The following TUBE1 variants were observed in gnomAD, a reference collection of about 807,000 sequenced individuals.
TUBE1 encodes tubulin epsilon 1.
Under a neutral mutation model 53.5 loss-of-function variants are expected in TUBE1, and 34 were observed. The observed-to-expected ratio is 0.64, with a 90% CI of 0.48 to 0.85. The LOEUF is 0.85. Among genes scored for constraint, TUBE1 ranks in the 40% least tolerant of loss-of-function variants. TUBE1 has a pLI of 0.00. For synonymous variants in TUBE1, 177 were observed against 198.4 expected (o/e 0.89, Z 0.91); for missense variants, 532 against 570.5 (o/e 0.93, Z 0.69).
intron 4 of TUBE1, among the ~76,000 whole-genome samples, chr6:112,083,717 T>C (rs1299731050): frequency 6.6e-6 from 1 of 152,192 alleles, no homozygotes; most frequent in African/African-American, 2.4e-5. Flanking sequence ...GAAATATTGT[T>C]GGAATGATTA....
intron 6 of TUBE1, 95 bp from the exon 7 acceptor site, chr6:112,076,604 C>A: frequency 8.9e-7 from 1 of 1,123,552 alleles, no homozygotes; most frequent in Non-Finnish European, 1.2e-6. Context: ...CAGGGTCTTG[C>A]TCTGTCACCC....
intron 6 of TUBE1, chr6:112,076,802 C>G (rs1025064183): frequency 4.7e-4 from 93 of 197,222 alleles, no homozygotes; most frequent in African/African-American, 2.1e-3. Context: ...CTCCTAGGTT[C>G]AAGCAAGCTT....
intron 4 of TUBE1, among the ~76,000 whole-genome samples, chr6:112,083,463 T>C (rs980744088): frequency 6.6e-6 from 1 of 151,714 alleles, no homozygotes; most frequent in South Asian, 2.1e-4. Context: ...GGACTACAGG[T>C]GCCCGCCACC....
chr6:112,084,297 G>T, intron 3 of TUBE1, 51 bp from the exon 4 acceptor site: 1 of 1,422,038 alleles, frequency 7.0e-7, no homozygotes, highest in Non-Finnish European at 9.9e-7. Context: ...ATGGCTAATA[G>T]CACTATCAGG....
chr6:112,074,654 A>G (rs1302819064), intron 9 of TUBE1, 56 bp downstream of exon 9: 2 of 1,342,452 alleles, frequency 1.5e-6, no homozygotes, highest in Middle Eastern at 2.3e-4. Flanking sequence ...TTCTCTTAAA[A>G]ATGTTTTTTA....
chr6:112,086,937 T>C lies in TUBE1; in HGVS notation c.99+296A>G. 4 of 504,142 alleles carry C rather than the reference T, an allele frequency of 7.9e-6. No individual in the cohort carries two copies. The East Asian group carries it at 1.3e-4, about 16-fold the overall frequency. The allele number at this position is 504,142 out of a possible 1,614,324, so 31.2% of individuals were successfully genotyped here. A position where few individuals can be genotyped will look rare whatever the true frequency, so the allele number is the denominator to read the frequency against. ...AATTAAGGAATACAATAACCACACG[T>C]GTTATCTATTTTACAAAGTACTTTC... On this transcript the variant is annotated intron_variant, in intron 2 of 11. Transcript: ENST00000368662.
At position 112,071,416 on chromosome 6, in the gene TUBE1, A is replaced by G. The variant is rs372643613; in HGVS notation, c.1424T>C (p.Met475Thr). 2.7e-5 allele frequency: 41 copies of G among 1,515,828 alleles called. No homozygotes were observed. The highest frequency in any genetic ancestry group is 3.6e-5 in the Non-Finnish European group (40 of 1,121,674). The allele number at this position is 1,515,828 out of a possible 1,614,324, so 93.9% of individuals were successfully genotyped here. The change falls in exon 12 of 12, where the codon ATG (methionine) becomes ACG (threonine). Residue 475 changes from methionine to threonine, a missense_variant. Transcript: ENST00000368662. ...GTATTTTTGAGGGTTTCTTTTTCAC[A>G]TAGCTATGCTTAGTCTGGGTAAATC... ...VQDLPRLSIAM is the reference protein window; with the variant it reads ...VQDLPRLSIAT
chr6:112,073,306 T>C (rs1183860097), intron 9 of TUBE1, among the ~76,000 whole-genome samples: 1 of 152,184 alleles, frequency 6.6e-6, no homozygotes, highest in African/African-American at 2.4e-5. Flanking sequence ...ATTAAGACTA[T>C]TACTTTGTAA....
rs1202037523 is a variant in TUBE1, at chr6:112,071,254, T to C, written c.*158A>G. ...ATTTCACTAATTTCACACATTGGTA[T>C]TACCAACAAATTGCGATTAAACAGA... On this transcript the variant is annotated 3_prime_UTR_variant, in exon 12 of 12. Coordinates refer to ENST00000368662, the MANE Select transcript of TUBE1 (RefSeq NM_016262.5). The C allele has an allele frequency of 6.6e-6, 4 of 608,814 alleles. No homozygotes were observed. The highest frequency in any genetic ancestry group is 5.5e-5 in the African/African-American group (3 of 54,384). 37.7% of individuals were successfully genotyped at this position (608,814 alleles called of 1,614,324 possible).
In TUBE1 at chr6:112,071,479, T is replaced by C; in HGVS notation, c.1361A>G (p.Tyr454Cys). The change falls in exon 12 of 12, where the codon TAT becomes TGT. Residue 454 changes from tyrosine (Y) to cysteine (C), a missense_variant. Transcript: ENST00000368662. ...VSSLSALIQE[Y>C]DQLDATKNMP... Reference sequence around the variant, plus strand: ...GTTTTTTGTGGCGTCCAGTTGGTCATATTCCTGTATGAGTGCTGATAAAGA... The same window carrying C: ...GTTTTTTGTGGCGTCCAGTTGGTCACATTCCTGTATGAGTGCTGATAAAGA... 6.2e-7 allele frequency: 1 copy of C among 1,612,460 alleles called. No individual in the cohort carries two copies. The highest frequency in any genetic ancestry group is 8.5e-7 in the Non-Finnish European group (1 of 1,178,944).
intron 4 of TUBE1, among the ~76,000 whole-genome samples, chr6:112,082,923 G>GA (rs1777093247): frequency 6.6e-6 from 1 of 152,094 alleles, no homozygotes; most frequent in South Asian, 2.1e-4. Context: ...AGCTCTTAAG[G>GA]AGAAAATGGA....
chr6:112,085,835 T>C (rs1777144336), intron 3 of TUBE1: 2 of 383,708 alleles, frequency 5.2e-6, no homozygotes, highest in African/African-American at 2.1e-5. Flanking sequence ...CATCTCGAGA[T>C]GCCAATGACA....
At chr6:112,086,721 A>T in intron 2 of TUBE1, 113 bp from the exon 3 acceptor site, 1 of 672,162 alleles carries the variant, frequency 1.5e-6, no homozygotes, top group East Asian at 2.8e-5. Flanking sequence ...CTCTGATAAG[A>T]AAAACCAAGT....
intron 3 of TUBE1, chr6:112,085,655 C>T (rs782595016): frequency 1.3e-5 from 6 of 471,080 alleles, no homozygotes; most frequent in South Asian, 9.3e-5. Flanking sequence ...TAAATGATAC[C>T]AGCCATTAAA....
chr6:112,071,194 T>C lies in TUBE1; in HGVS notation c.*218A>G. ...ATCTCAATTTTAGAAAAGGGAACTT[T>C]TCTGAAGAGAAATGTTTGAAGTTAA... On this transcript the variant is annotated 3_prime_UTR_variant, in exon 12 of 12. Coordinates refer to ENST00000368662, the MANE Select transcript of TUBE1 (RefSeq NM_016262.5). 2.3e-6 allele frequency: 1 copy of C among 429,244 alleles called. No homozygotes were observed. Among genetic ancestry groups the C allele is most frequent in the Non-Finnish European group, 4.1e-6 (1 of 245,612 alleles). 26.6% of individuals were successfully genotyped at this position (429,244 alleles called of 1,614,324 possible).
In TUBE1 at chr6:112,076,438, C is replaced by G. The variant is rs782205648; in HGVS notation, c.520G>C (p.Val174Leu). The G allele has an allele frequency of 4.3e-6, 7 of 1,613,432 alleles. No homozygotes were observed. The highest frequency in any genetic ancestry group is 5.9e-6 in the Non-Finnish European group (7 of 1,179,766). ...EDEFPEVYRFVTSIYPSGEDD... is the reference protein window; with the variant it reads ...EDEFPEVYRFLTSIYPSGEDD... The stretch of plus-strand genomic sequence containing the variant: ...TCACCAGAAGGATAAATGGAAGTCA[C>G]AAATCTGTATACTTCTGGGAATTCG... Residue 174 changes from valine to leucine, a missense_variant, in exon 7 of 12, where the codon GTG (valine) becomes CTG (leucine). Coordinates refer to ENST00000368662, the MANE Select transcript of TUBE1 (RefSeq NM_016262.5).
Position 112,076,322 on chromosome 6 carries a change from T to C in TUBE1, c.636A>G (p.Gln212=). 1.3e-6 allele frequency: 2 copies of C among 1,563,258 alleles called. No homozygotes were observed. Among genetic ancestry groups the C allele is most frequent in the Non-Finnish European group, 1.7e-6 (2 of 1,155,862 alleles). ...HADCVLPIDN[Q]SLFDIISKID... is the part of the protein sequence containing the mutation. ...CATAAGTTCCAATGTCATTTCTTAC[T>C]TGATTGTCAATGGGCAATACACAGT... The change falls in exon 7 of 12, where the codon CAA becomes CAG. Residue 212 remains glutamine, a splice_region_variant and synonymous_variant. Transcript: ENST00000368662.
chr6:112,085,875 T>G (rs1022408470), intron 3 of TUBE1: 1 of 325,238 alleles, frequency 3.1e-6, no homozygotes, highest in African/African-American at 2.2e-5. Context: ...GTGCCCTAGA[T>G]AGACTCTGGA....
chr6:112,071,618 T>C, intron 11 of TUBE1, 48 bp from the exon 12 acceptor site: 1 of 1,409,432 alleles, frequency 7.1e-7, no homozygotes, highest in Non-Finnish European at 9.7e-7. Flanking sequence ...GGAACTTTAA[T>C]ACATAAGACT....
Sources: gnomAD v4.1 joint callset for allele counts (sites outside exome capture counted in the v4.1 genomes callset) on GRCh38, gnomAD v4.1.1 for gene constraint, MANE v1.5 for transcripts, NCBI Gene and HGNC (gene_info 2026-07-23, HGNC 2026-07-21) for gene names.